PTPDC1: variants seen among roughly 807,000 people sequenced by gnomAD.
PTPDC1 encodes protein tyrosine phosphatase domain containing 1, also known as protein tyrosine phosphatase domain-containing protein 1.
Under a neutral mutation model 75.3 loss-of-function variants are expected in PTPDC1, and 53 were observed. The ratio of observed to expected loss-of-function variants is 0.70; its 90% CI spans 0.56 to 0.88. The LOEUF is 0.88. Ranked by LOEUF, PTPDC1 falls within the 40% of genes least tolerant of loss-of-function variation. The probability of loss-of-function intolerance (pLI) is 0.00; values close to 1 mark genes in which losing one functional copy is unlikely to be tolerated. For synonymous variants in PTPDC1, 349 were observed against 366.2 expected (o/e 0.95, Z 0.54); for missense variants, 925 against 998.6 (o/e 0.93, Z 0.99).
At chr9:94,054,592 AT>A (rs1425558921) in intron 1 of PTPDC1, among the ~76,000 whole-genome samples, 22 of 152,254 alleles carry the variant, frequency 1.4e-4, no homozygotes, top group African/African-American at 5.3e-4. Flanking sequence ...ATAACAGTGA[AT>A]AAAAATTTGG....
intron 2 of PTPDC1, among the ~76,000 whole-genome samples, chr9:94,086,427 C>G (rs971075152): frequency 7.2e-5 from 11 of 152,356 alleles, no homozygotes; most frequent in Admixed American, 5.2e-4. Flanking sequence ...TCATCTTACA[C>G]TAATTATCAC....
At chr9:94,093,940 C>T (rs1250834296) in intron 4 of PTPDC1, among the ~76,000 whole-genome samples, 2 of 151,702 alleles carry the variant, frequency 1.3e-5, no homozygotes, top group Non-Finnish European at 2.9e-5. Context: ...TCCATCAGCT[C>T]CTTTAAGCAC....
At chr9:94,068,330 C>T (rs1826389612) in intron 2 of PTPDC1, among the ~76,000 whole-genome samples, 1 of 152,002 alleles carries the variant, frequency 6.6e-6, no homozygotes, top group Non-Finnish European at 1.5e-5. Flanking sequence ...TTTTTAAATC[C>T]CTTTCAAAGG....
In PTPDC1 at chr9:94,093,030, CTT is replaced by C. The variant is rs199546359; in HGVS notation, c.617-2285_617-2284del. Among the ~76,000 whole-genome samples, 1,190 of 151,974 alleles carry C rather than the reference CTT, an allele frequency of 7.8e-3. 25 individuals carry two copies. The highest frequency in any genetic ancestry group is 0.07 in the East Asian group (362 of 5,148). On this transcript the variant is annotated intron_variant, in intron 4 of 8. Coordinates refer to ENST00000620992, the MANE Select transcript of PTPDC1 (RefSeq NM_001253829.2). ...TACAGCACACTGATGGGTCTTGACT[CTT>C]TATTCAATTTGCCAGTCTGTGTCTT...
chr9:94,082,617 A>T (rs1187702881), upstream of PTPDC1, among the ~76,000 whole-genome samples: 1 of 152,154 alleles, frequency 6.6e-6, no homozygotes, highest in Non-Finnish European at 1.5e-5. Flanking sequence ...CATCTGCCTC[A>T]TCAATGCAAG....
At chr9:94,058,752 GC>G (rs1347326365) in intron 1 of PTPDC1, among the ~76,000 whole-genome samples, 2 of 151,582 alleles carry the variant, frequency 1.3e-5, no homozygotes, top group Non-Finnish European at 2.9e-5. Context: ...ATTTTGGGAG[GC>G]CCAGGCGGGT....
At chr9:94,066,746 T>C (rs989166913) in intron 2 of PTPDC1, among the ~76,000 whole-genome samples, 10 of 151,732 alleles carry the variant, frequency 6.6e-5, no homozygotes, top group African/African-American at 2.4e-4. Flanking sequence ...TTAGTAGAGA[T>C]GGGGTTTCAC....
intron 2 of PTPDC1, among the ~76,000 whole-genome samples, chr9:94,072,127 C>T (rs1826530274): frequency 6.6e-6 from 1 of 152,162 alleles, no homozygotes; most frequent in South Asian, 2.1e-4. Context: ...CCTGCCTCAG[C>T]CTCCTGAGTA....
intron 2 of PTPDC1, among the ~76,000 whole-genome samples, chr9:94,071,311 T>A (rs1247383515): frequency 6.6e-6 from 1 of 152,200 alleles, no homozygotes; most frequent in Non-Finnish European, 1.5e-5. Flanking sequence ...CATATTCTCT[T>A]TTTACATATC....
rs556644061 is a variant in PTPDC1, at chr9:94,109,656, C to G, written c.*1712C>G. 2 of 152,164 alleles carry G rather than the reference C, an allele frequency of 1.3e-5. No homozygotes were observed. The highest frequency in any genetic ancestry group is 4.2e-4 in the South Asian group (2 of 4,816). The allele number at this position is 152,164 out of a possible 1,614,324, so 9.4% of individuals were successfully genotyped here. ...AGTAGGCCTCATTTGGGCAAGTGAC[C>G]CACAGGTCTTTTGGCGAGTTTGCTA... On this transcript the variant is annotated 3_prime_UTR_variant, in exon 9 of 9. Coordinates refer to ENST00000620992, the MANE Select transcript of PTPDC1 (RefSeq NM_001253829.2).
chr9:94,047,817 G>A (rs1825660022), intron 1 of PTPDC1, among the ~76,000 whole-genome samples: 1 of 152,184 alleles, frequency 6.6e-6, no homozygotes, highest in Admixed American at 6.5e-5. Flanking sequence ...AGAAAATCTA[G>A]AAGAAATGGA....
At chr9:94,062,180 C>G (rs2117857953) in intron 1 of PTPDC1, among the ~76,000 whole-genome samples, 1 of 152,308 alleles carries the variant, frequency 6.6e-6, no homozygotes, top group East Asian at 1.9e-4. Context: ...TCCACAGATA[C>G]CTAGGGCAGG....
intron 1 of PTPDC1, among the ~76,000 whole-genome samples, chr9:94,033,158 G>A (rs1001155814): frequency 1.3e-5 from 2 of 152,110 alleles, no homozygotes; most frequent in Non-Finnish European, 2.9e-5. Flanking sequence ...ACCGTCCCCA[G>A]CCTGCACGTC....
intron 1 of PTPDC1, among the ~76,000 whole-genome samples, chr9:94,049,272 A>G (rs561043308): frequency 5.3e-5 from 8 of 152,158 alleles, no homozygotes; most frequent in South Asian, 4.2e-4. Context: ...TTAGCTGGTT[A>G]TTTTGCTCGT....
rs148541979 is a variant in PTPDC1 at position 94,053,889 on chromosome 9, C to T, written c.-6-10845C>T. Among the ~76,000 whole-genome samples, 421 of 152,286 alleles carry T rather than the reference C, an allele frequency of 2.8e-3. 3 individuals carry two copies. Among genetic ancestry groups the T allele is most frequent in the Non-Finnish European group, 4.7e-3 (322 of 68,024 alleles). On this transcript the variant is annotated intron_variant, in intron 1 of 9. Coordinates refer to the PTPDC1 transcript ENST00000375360. ...TGTTCTTAGCAATAACCCTGAGATGCGTAAGGCATGATTACTGTTCCTACC... is the reference window on the plus strand; with the variant it reads ...TGTTCTTAGCAATAACCCTGAGATGTGTAAGGCATGATTACTGTTCCTACC...
intron 6 of PTPDC1, among the ~76,000 whole-genome samples, chr9:94,099,160 A>C (rs1408824466): frequency 2.0e-5 from 3 of 152,186 alleles, no homozygotes; most frequent in Non-Finnish European, 4.4e-5. Flanking sequence ...AGCTGAGTTG[A>C]GGTCTTTGGG....
At chr9:94,055,266 A>T (rs1260891545) in intron 1 of PTPDC1, among the ~76,000 whole-genome samples, 1 of 152,172 alleles carries the variant, frequency 6.6e-6, no homozygotes, top group Non-Finnish European at 1.5e-5. Context: ...TCTTTGTCTT[A>T]GTTTCCTCAT....
chr9:94,067,219 C>G (rs1312963493), intron 2 of PTPDC1, among the ~76,000 whole-genome samples: 1 of 151,982 alleles, frequency 6.6e-6, no homozygotes, highest in African/African-American at 2.4e-5. Context: ...GAAACCCCAT[C>G]TCTACTAAAA....
intron 1 of PTPDC1, among the ~76,000 whole-genome samples, chr9:94,042,395 C>T (rs1181702227): frequency 1.3e-5 from 2 of 152,028 alleles, no homozygotes; most frequent in African/African-American, 4.8e-5. Context: ...GGTTCCAGAC[C>T]ACCACAATAA....
Sources: allele counts gnomAD v4.1 joint callset (sites outside exome capture counted in the v4.1 genomes callset), GRCh38; gene constraint gnomAD v4.1.1; transcripts MANE v1.5; gene names NCBI Gene and HGNC (gene_info 2026-07-23, HGNC 2026-07-21).